GRM8: variants seen among roughly 807,000 people sequenced by gnomAD.
GRM8 encodes metabotropic glutamate receptor 8.
Under a neutral mutation model 87.2 loss-of-function variants are expected in GRM8, and 47 were observed. The observed-to-expected ratio is 0.54, with a 90% CI of 0.43 to 0.69. The LOEUF (loss-of-function observed/expected upper bound fraction) is 0.69, where lower values mean the gene tolerates loss of function less well. Among genes scored for constraint, GRM8 ranks in the 30% least tolerant of loss-of-function variants. The pLI is 0.00. For missense variants in GRM8, 1,019 were observed against 1,139.2 expected, an observed-to-expected ratio of 0.89 and a Z score of 1.52; for synonymous variants, 396 against 404.5, an observed-to-expected ratio of 0.98 and a Z score of 0.25.
intron 7 of GRM8, among the ~76,000 whole-genome samples, chr7:126,688,669 G>T (rs957601633): frequency 1.3e-5 from 2 of 151,688 alleles, no homozygotes; most frequent in African/African-American, 4.8e-5. Flanking sequence ...TAACATACCA[G>T]CTTTAGAGTC....
chr7:126,757,745 C>T (rs950146280), intron 7 of GRM8, among the ~76,000 whole-genome samples: 1 of 152,076 alleles, frequency 6.6e-6, no homozygotes, highest in African/African-American at 2.4e-5. Context: ...GGGTCTCTTT[C>T]CCAGGCAACG....
At chr7:126,517,237 T>G (rs1164007520) in intron 9 of GRM8, among the ~76,000 whole-genome samples, 3 of 152,108 alleles carry the variant, frequency 2.0e-5, no homozygotes, top group Middle Eastern at 3.4e-3. Context: ...ACCAAATGCA[T>G]CAGCAAAAAA....
At chr7:127,003,953 A>G (rs1272484126) in intron 3 of GRM8, among the ~76,000 whole-genome samples, 1 of 151,732 alleles carries the variant, frequency 6.6e-6, no homozygotes, top group Non-Finnish European at 1.5e-5. Flanking sequence ...TTCTGTATAT[A>G]TACTTACATT....
intron 9 of GRM8, among the ~76,000 whole-genome samples, chr7:126,508,326 G>C (rs949847533): frequency 6.6e-6 from 1 of 151,048 alleles, no homozygotes; most frequent in Non-Finnish European, 1.5e-5. Flanking sequence ...CAAGATCAAA[G>C]AGCTGTTATC....
At chr7:126,568,337 AT>A (rs1794418218) in intron 8 of GRM8, among the ~76,000 whole-genome samples, 1 of 152,150 alleles carries the variant, frequency 6.6e-6, no homozygotes, top group South Asian at 2.1e-4. Context: ...AAACTAAAAT[AT>A]TTCCACATAA....
At chr7:126,905,415 G>A (rs1802574896) in intron 3 of GRM8, among the ~76,000 whole-genome samples, 1 of 152,178 alleles carries the variant, frequency 6.6e-6, no homozygotes, top group Non-Finnish European at 1.5e-5. Flanking sequence ...GGCTGGGGTA[G>A]GAGGAGAAGA....
At position 127,212,628 on chromosome 7, in the gene GRM8, G is replaced by A. The variant is rs867701272; in HGVS notation, c.510+30067C>T. Among the ~76,000 whole-genome samples, 186 of 151,836 alleles carry A rather than the reference G, an allele frequency of 1.2e-3. 2 individuals are homozygous for A. The highest frequency in any genetic ancestry group is 0.01 in the Middle Eastern group (3 of 294). The stretch of plus-strand genomic sequence containing the variant: ...GAGACGGGGTTTCACCGTTTTAGCC[G>A]GGATGGTCTCGATCTCCTGACCTCG... On this transcript the variant is annotated intron_variant, in intron 2 of 10. Transcript: ENST00000339582.
chr7:126,944,780 A>G (rs772368999), intron 3 of GRM8, among the ~76,000 whole-genome samples: 1 of 152,352 alleles, frequency 6.6e-6, no homozygotes. Context: ...AAAAGTCAGG[A>G]AAAGAAAGCC....
intron 2 of GRM8, among the ~76,000 whole-genome samples, chr7:127,113,008 C>T (rs1051228315): frequency 1.8e-4 from 28 of 152,166 alleles, no homozygotes; most frequent in Admixed American, 1.8e-3. Flanking sequence ...CTCCCCCAAA[C>T]CAACTGTGTC....
chr7:126,577,303 A>G (rs997251821), intron 8 of GRM8, among the ~76,000 whole-genome samples: 18 of 152,172 alleles, frequency 1.2e-4, no homozygotes, highest in Non-Finnish European at 2.1e-4. Context: ...ATCTGCAGTT[A>G]CCTAAAGGAA....
At chr7:126,507,567 T>C (rs1437191981) in intron 9 of GRM8, among the ~76,000 whole-genome samples, 1 of 152,086 alleles carries the variant, frequency 6.6e-6, no homozygotes, top group Non-Finnish European at 1.5e-5. Context: ...ATTGCCAAAT[T>C]GCAAAAAGTA....
chr7:126,496,876 C>A (rs567281976), intron 9 of GRM8, among the ~76,000 whole-genome samples: 5 of 151,856 alleles, frequency 3.3e-5, no homozygotes, highest in Non-Finnish European at 7.4e-5. Context: ...CTCCCCCCCA[C>A]AGGTGAAATT....
At chr7:126,800,242 G>A (rs1315972595) in intron 6 of GRM8, among the ~76,000 whole-genome samples, 2 of 151,954 alleles carry the variant, frequency 1.3e-5, no homozygotes, top group African/African-American at 4.8e-5. Context: ...CTAATGCATT[G>A]CTTTGTACAG....
chr7:126,963,009 A>T (rs1207426580), intron 3 of GRM8, among the ~76,000 whole-genome samples: 1 of 152,218 alleles, frequency 6.6e-6, no homozygotes, highest in Non-Finnish European at 1.5e-5. Flanking sequence ...ATACATATAC[A>T]TTACCTGTGT....
chr7:127,181,094 C>T lies in GRM8; in HGVS notation c.510+61601G>A, dbSNP rs529212178. On this transcript the variant is annotated intron_variant, in intron 2 of 10. Coordinates refer to ENST00000339582, the MANE Select transcript of GRM8 (RefSeq NM_000845.3). Reference sequence around the variant, plus strand: ...TGATATGATCATTTACCTTGAAAACCCTAAGAACTCCTTCAGAAATCTCCT... The same window carrying T: ...TGATATGATCATTTACCTTGAAAACTCTAAGAACTCCTTCAGAAATCTCCT... Among the ~76,000 whole-genome samples, 34 of 152,010 alleles carry T rather than the reference C, an allele frequency of 2.2e-4. No individual in the cohort carries two copies. The South Asian group carries it at 6.9e-3, about 31-fold the overall frequency.
At chr7:126,950,645 T>G (rs1808041093) in intron 3 of GRM8, among the ~76,000 whole-genome samples, 3 of 152,146 alleles carry the variant, frequency 2.0e-5, no homozygotes, top group Non-Finnish European at 4.4e-5. Flanking sequence ...CAATAATGAT[T>G]ATAGCCAGTT....
chr7:126,636,398 T>C (rs1158666036), intron 7 of GRM8, among the ~76,000 whole-genome samples: 1 of 152,096 alleles, frequency 6.6e-6, no homozygotes, highest in Non-Finnish European at 1.5e-5. Context: ...TACATCCTCC[T>C]GTATATTTTA....
At position 126,447,373 on chromosome 7, in the gene GRM8, C is replaced by T. The variant is rs139902951; in HGVS notation, c.2431-1001G>A. Among the ~76,000 whole-genome samples, 1,452 of 151,958 alleles carry T rather than the reference C, an allele frequency of 9.6e-3. 19 individuals are homozygous for T. The highest frequency in any genetic ancestry group is 0.033 in the African/African-American group (1,365 of 41,504). On this transcript the variant is annotated intron_variant, in intron 9 of 10. Transcript: ENST00000339582. ...CAAATAACTTGGGATACTGAGGCCA[C>T]GGAGAAACCACATCTTAAGACTGTA...
chr7:126,891,488 A>G (rs1185959021), intron 6 of GRM8, among the ~76,000 whole-genome samples: 2 of 152,010 alleles, frequency 1.3e-5, no homozygotes, highest in Non-Finnish European at 1.5e-5. Context: ...TGAGGCATAT[A>G]AAGTGTTATA....
Sources: gnomAD v4.1 joint callset for allele counts (sites outside exome capture counted in the v4.1 genomes callset) on GRCh38, gnomAD v4.1.1 for gene constraint, MANE v1.5 for transcripts, NCBI Gene and HGNC (gene_info 2026-07-23, HGNC 2026-07-21) for gene names.